Variants in MCOLN2 observed in about 807,000 individuals in gnomAD.
MCOLN2 encodes the protein mucolipin-2.
Under a neutral mutation model 67.5 loss-of-function variants are expected in MCOLN2, and 57 were observed. The ratio of observed to expected loss-of-function variants is 0.84; its 90% CI spans 0.68 to 1.05. The LOEUF is 1.05. Among genes scored for constraint, MCOLN2 ranks in the 50% least tolerant of loss-of-function variants. The pLI is 0.00. For synonymous variants in MCOLN2, 246 were observed against 233.3 expected, an observed-to-expected ratio of 1.05 and a Z score of -0.50; for missense variants, 620 against 678.8, an observed-to-expected ratio of 0.91 and a Z score of 0.96.
intron 1 of MCOLN2, among the ~76,000 whole-genome samples, chr1:84,984,294 T>A (rs1462294111): frequency 6.6e-6 from 1 of 152,238 alleles, no homozygotes; most frequent in Non-Finnish European, 1.5e-5. Flanking sequence ...GCATACCAAC[T>A]ATAACTTTAT....
At chr1:84,940,759 G>T in intron 8 of MCOLN2, 120 bp downstream of exon 8, 1 of 629,008 alleles carries the variant, frequency 1.6e-6, no homozygotes, top group Non-Finnish European at 2.8e-6. Context: ...CTACTCAAAG[G>T]AATCTGATTT....
intron 11 of MCOLN2, among the ~76,000 whole-genome samples, chr1:84,936,806 C>T (rs150389223): frequency 5.5e-4 from 84 of 152,300 alleles, no homozygotes; most frequent in East Asian, 2.3e-3. Context: ...TTGGTTAATG[C>T]AACTAACAAG....
intron 7 of MCOLN2, 111 bp downstream of exon 7, chr1:84,946,922 G>A (rs536691272): frequency 2.8e-5 from 17 of 604,122 alleles, no homozygotes; most frequent in Middle Eastern, 4.5e-4. Context: ...AATGCTCGAG[G>A]CGGTTTTCTT....
At chr1:84,940,840 G>T in intron 8 of MCOLN2, 39 bp downstream of exon 8, 2 of 1,450,570 alleles carry the variant, frequency 1.4e-6, no homozygotes, top group Non-Finnish European at 1.9e-6. Flanking sequence ...TGAGGGCGCA[G>T]GCCAAGAGGG....
intron 12 of MCOLN2, 42 bp from the exon 13 acceptor site, chr1:84,929,721 T>A: frequency 1.3e-6 from 2 of 1,583,092 alleles, no homozygotes; most frequent in Non-Finnish European, 1.7e-6. Flanking sequence ...TTATAAGGCA[T>A]GAGAAATTGC....
At chr1:84,964,827 C>G (rs749564662) in intron 2 of MCOLN2, among the ~76,000 whole-genome samples, 1 of 152,096 alleles carries the variant, frequency 6.6e-6, no homozygotes, top group African/African-American at 2.4e-5. Context: ...CACCACTGAT[C>G]TGACAGGAGG....
chr1:84,970,274 AACACACACAC>A (rs146134744), intron 1 of MCOLN2, among the ~76,000 whole-genome samples: 1 of 119,308 alleles, frequency 8.4e-6, no homozygotes, highest in Admixed American at 8.2e-5. Context: ...CCCACCCCCC[AACACACACAC>A]ACACAGCCTC....
chr1:84,987,996 T>C (rs61768850), intron 1 of MCOLN2, among the ~76,000 whole-genome samples: 23,469 of 151,906 alleles, frequency 0.15, 1,936 homozygotes, highest in East Asian at 0.26. Flanking sequence ...GCACAAAAAT[T>C]TCAGAAATCA....
rs139995856 is a variant in MCOLN2 at position 84,939,007 on chromosome 1, G to T, written c.1110+546C>A. On this transcript the variant is annotated intron_variant, in intron 9 of 13. Transcript: ENST00000370608. The stretch of plus-strand genomic sequence containing the variant: ...AAGAAAGCCAGAGGGAGCCGGGATG[G>T]GAGAGAATTAGGCATGTCAGGGTTA... Among the ~76,000 whole-genome samples the T allele has an allele frequency of 3.1e-3, 476 of 152,288 alleles. 4 individuals carry two copies. The highest frequency in any genetic ancestry group is 0.01 in the African/African-American group (430 of 41,566).
rs1647647750 is a variant in MCOLN2, at chr1:84,939,782, C to T, written c.961-80G>A. The T allele has an allele frequency of 2.7e-6, 4 of 1,469,978 alleles. No homozygotes were observed. The South Asian group carries it at 4.8e-5, about 17-fold the overall frequency. The allele number at this position is 1,469,978 out of a possible 1,614,324, so 91.1% of individuals were successfully genotyped here. On this transcript the variant is annotated intron_variant, in intron 8 of 13. Coordinates refer to ENST00000370608, the MANE Select transcript of MCOLN2 (RefSeq NM_153259.4). ...AAGAAGGCAAGTGCAAAACAGTGCTCTCACCTGTAAAAGGACATGGCATTG... is the reference window on the plus strand; with the variant it reads ...AAGAAGGCAAGTGCAAAACAGTGCTTTCACCTGTAAAAGGACATGGCATTG...
intron 1 of MCOLN2, among the ~76,000 whole-genome samples, chr1:84,984,296 TA>T (rs1163077529): frequency 6.6e-6 from 1 of 152,242 alleles, no homozygotes; most frequent in East Asian, 1.9e-4. Flanking sequence ...ATACCAACTA[TA>T]ACTTTATCAC....
rs1661162847 is a variant in MCOLN2, at chr1:84,926,452, G to A, written c.*233C>T. On this transcript the variant is annotated 3_prime_UTR_variant, in exon 14 of 14. Coordinates refer to ENST00000370608, the MANE Select transcript of MCOLN2 (RefSeq NM_153259.4). ...ACTAATAGAGAATTTTATTATCGCT[G>A]TTATATTGCACTAATGCCCAGTAGT... is the stretch of plus-strand genomic sequence containing the variant. 2.7e-6 allele frequency: 1 copy of A among 374,710 alleles called. No homozygotes were observed. The highest frequency in any genetic ancestry group is 2.1e-5 in the African/African-American group (1 of 48,130). 23.2% of individuals were successfully genotyped at this position (374,710 alleles called of 1,614,324 possible).
chr1:84,938,103 A>G (rs1557633028), intron 9 of MCOLN2, 21 bp from the exon 10 acceptor site: 1 of 1,563,816 alleles, frequency 6.4e-7, no homozygotes, highest in Admixed American at 1.8e-5. Context: ...AAAAAAAAGA[A>G]AGAGAGAAAT....
chr1:84,986,882 A>T (rs1330155675), intron 1 of MCOLN2, among the ~76,000 whole-genome samples: 3 of 152,072 alleles, frequency 2.0e-5, no homozygotes, highest in Non-Finnish European at 4.4e-5. Context: ...CAAAAAATAG[A>T]TGTTGGCGGG....
chr1:84,940,058 T>A (rs149126462), intron 8 of MCOLN2, among the ~76,000 whole-genome samples: 2 of 151,942 alleles, frequency 1.3e-5, no homozygotes, highest in Non-Finnish European at 2.9e-5. Context: ...AGAAGGGAAC[T>A]GAGGCACCGA....
chr1:84,988,918 T>G lies in MCOLN2; in HGVS notation c.77+7878A>C, dbSNP rs75157301. ...ACCATTTCATCCACCCTACTGCTGT[T>G]CCCCCAGCTCTTTGTGTGTCTGGTT... On this transcript the variant is annotated intron_variant, in intron 1 of 13. Coordinates refer to ENST00000370608, the MANE Select transcript of MCOLN2 (RefSeq NM_153259.4). Among the ~76,000 whole-genome samples, 90 of 152,228 alleles carry G rather than the reference T, an allele frequency of 5.9e-4. 2 individuals carry two copies. Among genetic ancestry groups the G allele is most frequent in the African/African-American group, 2.1e-3 (87 of 41,516 alleles).
intron 6 of MCOLN2, 136 bp downstream of exon 6, chr1:84,952,101 GAGTATC>G (rs1352248927): frequency 3.4e-6 from 2 of 593,386 alleles, no homozygotes; most frequent in African/African-American, 3.7e-5. Flanking sequence ...AAAAAGAAAA[GAGTATC>G]ATATTGTATC....
At chr1:84,966,296 C>A (rs1310322284) in intron 1 of MCOLN2, among the ~76,000 whole-genome samples, 1 of 151,920 alleles carries the variant, frequency 6.6e-6, no homozygotes, top group African/African-American at 2.4e-5. Context: ...ACAAAATGGT[C>A]AATCTCAAGA....
At chr1:84,944,020 A>T (rs964991705) in intron 7 of MCOLN2, among the ~76,000 whole-genome samples, 1 of 152,148 alleles carries the variant, frequency 6.6e-6, no homozygotes, top group African/African-American at 2.4e-5. Flanking sequence ...TAAGACTGAA[A>T]ATCTTATGAA....
Sources: allele counts gnomAD v4.1 joint callset (sites outside exome capture counted in the v4.1 genomes callset), GRCh38; gene constraint gnomAD v4.1.1; transcripts MANE v1.5; gene names NCBI Gene and HGNC (gene_info 2026-07-23, HGNC 2026-07-21).